The following UVRAG variants were observed in gnomAD, a reference collection of about 807,000 sequenced individuals.
UVRAG encodes the protein UV radiation resistance-associated gene protein.
Under a neutral mutation model 78.0 loss-of-function variants are expected in UVRAG, and 19 were observed. The ratio of observed to expected loss-of-function variants is 0.24; its 90% CI spans 0.17 to 0.36. The LOEUF is 0.36. Ranked by LOEUF, UVRAG falls within the 10% of genes least tolerant of loss-of-function variation. The probability of loss-of-function intolerance (pLI) is 1.00; values close to 1 mark genes in which losing one functional copy is unlikely to be tolerated. For missense variants in UVRAG, 740 were observed against 853.8 expected, an observed-to-expected ratio of 0.87 and a Z score of 1.66; for synonymous variants, 323 against 324.6, an observed-to-expected ratio of 1.00 and a Z score of 0.05.
At chr11:75,878,203 C>T (rs1946850449) in intron 3 of UVRAG, among the ~76,000 whole-genome samples, 1 of 151,346 alleles carries the variant, frequency 6.6e-6, no homozygotes, top group African/African-American at 2.4e-5. Flanking sequence ...CGGGCAGAGG[C>T]GCTCCTTACA....
intron 6 of UVRAG, among the ~76,000 whole-genome samples, chr11:75,954,634 T>C (rs965067121): frequency 6.6e-6 from 1 of 152,258 alleles, no homozygotes; most frequent in Non-Finnish European, 1.5e-5. Context: ...TGTGCTTTTA[T>C]GTTCAGACAT....
chr11:75,993,649 G>T (rs1231587240), intron 8 of UVRAG, among the ~76,000 whole-genome samples: 2 of 152,120 alleles, frequency 1.3e-5, no homozygotes, highest in Non-Finnish European at 2.9e-5. Flanking sequence ...TCAAAAAATG[G>T]TATGAAATGT....
At chr11:75,931,787 C>G (rs1437986364) in intron 6 of UVRAG, among the ~76,000 whole-genome samples, 2 of 152,150 alleles carry the variant, frequency 1.3e-5, no homozygotes, top group South Asian at 2.1e-4. Context: ...GCCACCTTCT[C>G]TCTCTCACTC....
intron 2 of UVRAG, among the ~76,000 whole-genome samples, chr11:75,856,643 G>A (rs138968392): frequency 3.3e-4 from 50 of 152,126 alleles, no homozygotes; most frequent in African/African-American, 1.1e-3. Flanking sequence ...GCCGAGTTTT[G>A]CCATGTTGTC....
chr11:76,043,599 C>A (rs1950692140), intron 12 of UVRAG, among the ~76,000 whole-genome samples: 1 of 152,098 alleles, frequency 6.6e-6, no homozygotes, highest in African/African-American at 2.4e-5. Context: ...TGGCAAAAAA[C>A]TTATGTAAGT....
intron 11 of UVRAG, among the ~76,000 whole-genome samples, chr11:76,011,130 C>A (rs574228616): frequency 1.3e-5 from 2 of 152,292 alleles, no homozygotes; most frequent in South Asian, 4.1e-4. Flanking sequence ...TCTACACTTA[C>A]AATGCCCAAC....
intron 5 of UVRAG, among the ~76,000 whole-genome samples, chr11:75,900,125 TA>T (rs1385486705): frequency 6.6e-6 from 1 of 152,188 alleles, no homozygotes; most frequent in Non-Finnish European, 1.5e-5. Flanking sequence ...TTTAATACTG[TA>T]AAATTCAAAG....
intron 7 of UVRAG, among the ~76,000 whole-genome samples, chr11:75,972,622 G>T (rs1591078889): frequency 6.6e-6 from 1 of 152,250 alleles, no homozygotes; most frequent in African/African-American, 2.4e-5. Context: ...CTGTTTGTCT[G>T]TTCTTTTACC....
intron 3 of UVRAG, among the ~76,000 whole-genome samples, chr11:75,870,845 A>G (rs530217547): frequency 6.6e-6 from 1 of 152,132 alleles, no homozygotes; most frequent in Non-Finnish European, 1.5e-5. Context: ...ATGAAACACG[A>G]TCATCTTTTG....
At chr11:75,847,368 C>G (rs1946058417) in intron 1 of UVRAG, among the ~76,000 whole-genome samples, 1 of 152,068 alleles carries the variant, frequency 6.6e-6, no homozygotes, top group African/African-American at 2.4e-5. Flanking sequence ...CTCAAATGAT[C>G]CACCCGCCTC....
At chr11:75,968,845 C>T (rs1949074266) in intron 7 of UVRAG, among the ~76,000 whole-genome samples, 1 of 152,106 alleles carries the variant, frequency 6.6e-6, no homozygotes, top group African/African-American at 2.4e-5. Context: ...AAGATTTTAC[C>T]TATCTTTTTC....
intron 7 of UVRAG, among the ~76,000 whole-genome samples, chr11:75,965,151 T>G (rs1948992222): frequency 1.3e-5 from 2 of 152,230 alleles, no homozygotes; most frequent in Non-Finnish European, 2.9e-5. Context: ...GATGGAATTT[T>G]GATAAGAAGC....
At chr11:76,050,746 C>A (rs1950849156) in intron 12 of UVRAG, among the ~76,000 whole-genome samples, 1 of 152,024 alleles carries the variant, frequency 6.6e-6, no homozygotes, top group Non-Finnish European at 1.5e-5. Flanking sequence ...TTTTTAAATG[C>A]ATTTTGTTAT....
chr11:76,048,193 G>A (rs1038756246), intron 12 of UVRAG, among the ~76,000 whole-genome samples: 1 of 152,204 alleles, frequency 6.6e-6, no homozygotes. Flanking sequence ...TGAAAGCCTA[G>A]CCTGTAAGAG....
chr11:75,977,436 C>G (rs1224461107), intron 7 of UVRAG, among the ~76,000 whole-genome samples: 1 of 152,168 alleles, frequency 6.6e-6, no homozygotes, highest in Non-Finnish European at 1.5e-5. Flanking sequence ...TGTTAACTTT[C>G]TGTCTCGTTG....
rs1949167993 is a variant in UVRAG at position 75,973,533 on chromosome 11, TG to T, written c.700-9852del. ...CAAGTGTTCATCAACTTCTAATTTC[TG>T]GAAGAGATTCTGAAGAACTGGAATT... On this transcript the variant is annotated intron_variant, in intron 7 of 14. Transcript: ENST00000356136. Among the ~76,000 whole-genome samples, 6 of 152,174 alleles carry T rather than the reference TG, an allele frequency of 3.9e-5. No homozygotes were observed. The South Asian group carries it at 1.0e-3, about 26-fold the overall frequency.
At chr11:75,903,234 C>A (rs770684147) in intron 5 of UVRAG, among the ~76,000 whole-genome samples, 1 of 152,104 alleles carries the variant, frequency 6.6e-6, no homozygotes, top group Non-Finnish European at 1.5e-5. Context: ...AGTCTTCCTC[C>A]AATTTATGAG....
At position 75,817,420 on chromosome 11, in the gene UVRAG, T is replaced by C. The variant is rs552029010; in HGVS notation, c.117+1896T>C. Among the ~76,000 whole-genome samples, 269 of 152,290 alleles carry C rather than the reference T, an allele frequency of 1.8e-3. 1 individual carries two copies. The highest frequency in any genetic ancestry group is 6.1e-3 in the African/African-American group (254 of 41,556). The stretch of plus-strand genomic sequence containing the variant: ...TTTCAGCCTCATTTGTTAGTGTTTG[T>C]GAAATTTTTGGATTGGTGCCGAGGG... On this transcript the variant is annotated intron_variant, in intron 1 of 14. Coordinates refer to ENST00000356136, the MANE Select transcript of UVRAG (RefSeq NM_003369.4).
chr11:76,128,022 A>T (rs889145144), intron 14 of UVRAG, among the ~76,000 whole-genome samples: 1 of 152,112 alleles, frequency 6.6e-6, no homozygotes, highest in African/African-American at 2.4e-5. Context: ...TGGAGAGGGA[A>T]TTAGTACAAA....
Sources: allele counts gnomAD v4.1 joint callset (sites outside exome capture counted in the v4.1 genomes callset), GRCh38; gene constraint gnomAD v4.1.1; transcripts MANE v1.5; gene names NCBI Gene and HGNC (gene_info 2026-07-23, HGNC 2026-07-21).